WDR44: variants seen among roughly 807,000 people sequenced by gnomAD.
WDR44 encodes WD repeat domain 44.
A neutral mutation model predicts 65.7 loss-of-function variants in WDR44; 9 were observed. The ratio of observed to expected loss-of-function variants is 0.14; its 90% CI spans 0.08 to 0.24. The LOEUF is 0.24. WDR44 is among the 10% of genes least tolerant of loss of function. WDR44 has a pLI of 1.00. For missense variants in WDR44, 425 were observed against 670.9 expected (o/e 0.63, Z 4.05); for synonymous variants, 220 against 235.2 (o/e 0.94, Z 0.59).
chrX:118,443,434 A>G, intron 17 of WDR44, 126 bp from the exon 18 acceptor site: 1 of 798,459 alleles, frequency 1.3e-6, no homozygotes, highest in South Asian at 2.7e-5. Context: ...CCATGGGTCT[A>G]CATATTCAAC....
At chrX:118,405,080 G>A (rs1475978892) in intron 9 of WDR44, among the ~76,000 whole-genome samples, 2 of 110,454 alleles carry the variant, frequency 1.8e-5, no homozygotes, top group African/African-American at 6.6e-5. Context: ...CTGTCGCCCA[G>A]ACTGGGGTGG....
intron 1 of WDR44, among the ~76,000 whole-genome samples, chrX:118,352,263 C>T (rs1236362980): frequency 5.5e-5 from 5 of 91,166 alleles, no homozygotes; most frequent in African/African-American, 1.2e-4. Flanking sequence ...GATCCTCCCA[C>T]CTCAGCCTCC....
intron 18 of WDR44, 43 bp from the exon 19 acceptor site, chrX:118,444,317 G>T (rs1569388020): frequency 8.5e-7 from 1 of 1,181,740 alleles, no homozygotes; most frequent in Non-Finnish European, 1.1e-6. Flanking sequence ...GTTTGTCTTG[G>T]TATCCAATTT....
chrX:118,417,644 G>A (rs1390476996), intron 12 of WDR44, among the ~76,000 whole-genome samples: 4 of 111,740 alleles, frequency 3.6e-5, no homozygotes, highest in East Asian at 5.6e-4. Flanking sequence ...TTTAGATAAC[G>A]TGATGACAGT....
At chrX:118,403,421 C>T (rs1270566358) in intron 8 of WDR44, among the ~76,000 whole-genome samples, 1 of 111,502 alleles carries the variant, frequency 9.0e-6, no homozygotes, top group Non-Finnish European at 1.9e-5. Context: ...AAGAGCTTGG[C>T]ACATTTAAAA....
intron 1 of WDR44, among the ~76,000 whole-genome samples, chrX:118,372,417 T>A (rs1457468339): frequency 8.9e-6 from 1 of 111,824 alleles, no homozygotes; most frequent in East Asian, 2.8e-4. Flanking sequence ...ACTGTTACTA[T>A]CTCTACTTTG....
chrX:118,397,979 G>A (rs979004686), intron 7 of WDR44, among the ~76,000 whole-genome samples: 3 of 112,051 alleles, frequency 2.7e-5, no homozygotes, highest in South Asian at 3.6e-4. Context: ...GCTCACACCC[G>A]TAATTCTAGC....
intron 1 of WDR44, among the ~76,000 whole-genome samples, chrX:118,351,745 T>A (rs986459085): frequency 9.1e-6 from 1 of 109,887 alleles, no homozygotes; most frequent in African/African-American, 3.3e-5. Context: ...AGGTCAGGAG[T>A]TCGAGACCAG....
intron 19 of WDR44, among the ~76,000 whole-genome samples, chrX:118,448,463 A>G (rs1265181285): frequency 2.7e-5 from 3 of 111,979 alleles, no homozygotes; most frequent in African/African-American, 9.7e-5. Context: ...CTGCTATACA[A>G]TAAACCTTAC....
At chrX:118,429,169 C>G (rs753124658) in intron 12 of WDR44, among the ~76,000 whole-genome samples, 3 of 110,670 alleles carry the variant, frequency 2.7e-5, no homozygotes, top group Non-Finnish European at 5.7e-5. Context: ...TGTAAGAAAC[C>G]TGCACATTCT....
At chrX:118,394,372 G>A (rs966918960) in intron 5 of WDR44, among the ~76,000 whole-genome samples, 187 bp downstream of exon 5, 3 of 111,435 alleles carry the variant, frequency 2.7e-5, no homozygotes, top group Non-Finnish European at 5.6e-5. Flanking sequence ...TTTAGCATCT[G>A]GATCTCAGAT....
intron 3 of WDR44, among the ~76,000 whole-genome samples, chrX:118,390,807 T>C (rs952653067): frequency 6.2e-5 from 7 of 112,228 alleles, no homozygotes; most frequent in Non-Finnish European, 1.3e-4. Context: ...TACCTTTTTT[T>C]CATGTCATCC....
At chrX:118,347,620 A>G in intron 1 of WDR44, among the ~76,000 whole-genome samples, 1 of 112,617 alleles carries the variant, frequency 8.9e-6, no homozygotes, top group Non-Finnish European at 1.9e-5. Context: ...CACTGCCTTC[A>G]ATTCTCACAC....
At chrX:118,446,477 G>A (rs1481290632) in intron 19 of WDR44, among the ~76,000 whole-genome samples, 1 of 111,710 alleles carries the variant, frequency 9.0e-6, no homozygotes, top group African/African-American at 3.3e-5. Context: ...TTTATTGACT[G>A]TATTGTCTCA....
intron 3 of WDR44, among the ~76,000 whole-genome samples, chrX:118,388,256 T>TA (rs1175652362): frequency 1.8e-5 from 2 of 111,966 alleles, no homozygotes; most frequent in Middle Eastern, 4.6e-3. Context: ...GTTCTATCCT[T>TA]ATGGAATTTA....
chrX:118,419,170 T>C (rs2057082298), intron 12 of WDR44, among the ~76,000 whole-genome samples: 1 of 111,423 alleles, frequency 9.0e-6, no homozygotes, highest in Non-Finnish European at 1.9e-5. Flanking sequence ...GCACACCGGA[T>C]TCGTGCCCTC....
rs1289349202 is a variant in WDR44 at position 118,424,323 on chromosome X, G to GTGTGTATATATATATATATA, written c.1738-8457_1738-8456insGTGTATATATATATATATAT. 3.0e-3 allele frequency among the ~76,000 whole-genome samples: 198 copies of GTGTGTATATATATATATATA among 65,512 alleles called. 6 individuals are homozygous for GTGTGTATATATATATATATA. Among genetic ancestry groups the GTGTGTATATATATATATATA allele is most frequent in the African/African-American group, 0.018 (185 of 10,055 alleles). 56.9% of individuals were successfully genotyped at this position (65,512 alleles called of 115,157 possible). ...TGTATATATATATATGTGTGTGTGT[G>GTGTGTATATATATATATATA]TATATATATATATATATATATATAT... On this transcript the variant is annotated intron_variant, in intron 12 of 19. Transcript: ENST00000254029.
intron 12 of WDR44, among the ~76,000 whole-genome samples, chrX:118,417,042 G>A (rs1602948370): frequency 9.0e-6 from 1 of 111,551 alleles, no homozygotes; most frequent in East Asian, 2.8e-4. Flanking sequence ...TGCATGAAAC[G>A]CCTTTTACCA....
At chrX:118,405,075 G>A (rs1007717811) in intron 9 of WDR44, among the ~76,000 whole-genome samples, 2 of 110,069 alleles carry the variant, frequency 1.8e-5, no homozygotes, top group Non-Finnish European at 3.8e-5. Context: ...TTGCTCTGTC[G>A]CCCAGACTGG....
Sources: gnomAD v4.1 joint callset for allele counts (sites outside exome capture counted in the v4.1 genomes callset) on GRCh38, gnomAD v4.1.1 for gene constraint, MANE v1.5 for transcripts, NCBI Gene and HGNC (gene_info 2026-07-23, HGNC 2026-07-21) for gene names.